Variants in NDFIP2 observed in about 807,000 individuals in gnomAD.
NDFIP2 encodes the protein NEDD4 family-interacting protein 2.
In NDFIP2, 19 loss-of-function variants were observed where a neutral mutation model predicts 36.0. That is an observed-to-expected ratio of 0.53 (90% confidence interval 0.37 to 0.77). The LOEUF (loss-of-function observed/expected upper bound fraction) is 0.77. Ranked by LOEUF, NDFIP2 falls within the 30% of genes least tolerant of loss-of-function variation. The probability of loss-of-function intolerance (pLI) is 0.00; values close to 1 mark genes in which losing one functional copy is unlikely to be tolerated. For synonymous variants in NDFIP2, 181 were observed against 167.7 expected, an observed-to-expected ratio of 1.08 and a Z score of -0.61; for missense variants, 446 against 435.8, an observed-to-expected ratio of 1.02 and a Z score of -0.21.
At chr13:79,539,820 G>A in intron 4 of NDFIP2, 45 bp downstream of exon 4, 2 of 1,484,522 alleles carry the variant, frequency 1.3e-6, no homozygotes, top group South Asian at 1.1e-5. Context: ...TTATGAATTG[G>A]CTGTATGTGT....
intron 1 of NDFIP2, among the ~76,000 whole-genome samples, chr13:79,498,929 A>G (rs530012613): frequency 8.5e-5 from 13 of 152,082 alleles, no homozygotes; most frequent in African/African-American, 3.1e-4. Context: ...GCATTACCCT[A>G]ATATCAAAGC....
intron 1 of NDFIP2, among the ~76,000 whole-genome samples, chr13:79,498,405 T>A (rs970661039): frequency 1.3e-5 from 2 of 151,974 alleles, no homozygotes; most frequent in Admixed American, 1.3e-4. Flanking sequence ...TAAAGAAATA[T>A]GAACTTTTCA....
At chr13:79,505,340 A>G (rs1035005778) in intron 1 of NDFIP2, among the ~76,000 whole-genome samples, 1 of 152,178 alleles carries the variant, frequency 6.6e-6, no homozygotes, top group East Asian at 1.9e-4. Flanking sequence ...GTTCTAAAGA[A>G]TAAGTAGTTG....
chr13:79,509,310 A>AGG (rs1268201157), intron 1 of NDFIP2, among the ~76,000 whole-genome samples: 2 of 152,132 alleles, frequency 1.3e-5, no homozygotes, highest in Non-Finnish European at 2.9e-5. Context: ...TGGGGACTTC[A>AGG]GGTCATAGGT....
chr13:79,488,796 CAGAT>C (rs1479868689), intron 1 of NDFIP2, among the ~76,000 whole-genome samples: 1 of 151,978 alleles, frequency 6.6e-6, no homozygotes. Context: ...AGCCTAATGT[CAGAT>C]AGTAATAAAT....
chr13:79,497,478 G>C (rs1873476198), intron 1 of NDFIP2, among the ~76,000 whole-genome samples: 1 of 151,910 alleles, frequency 6.6e-6, no homozygotes. Context: ...ACAAGTTTCA[G>C]CTTCCTGCTA....
At chr13:79,546,919 A>T (rs1875703133) in intron 5 of NDFIP2, among the ~76,000 whole-genome samples, 1 of 152,150 alleles carries the variant, frequency 6.6e-6, no homozygotes, top group South Asian at 2.1e-4. Flanking sequence ...ACCATCCTGT[A>T]TAAGCTGTAT....
At chr13:79,546,794 T>C (rs1875697368) in intron 5 of NDFIP2, among the ~76,000 whole-genome samples, 2 of 152,162 alleles carry the variant, frequency 1.3e-5, no homozygotes, top group Admixed American at 1.3e-4. Context: ...CACGCAGAAA[T>C]TTAAAAAATG....
chr13:79,523,423 T>C (rs2137089426), intron 2 of NDFIP2, among the ~76,000 whole-genome samples: 1 of 152,292 alleles, frequency 6.6e-6, no homozygotes. Context: ...TTTCACCATG[T>C]TGGTCAGGCT....
chr13:79,541,635 G>A (rs1343454165), intron 4 of NDFIP2, among the ~76,000 whole-genome samples: 2 of 151,850 alleles, frequency 1.3e-5, no homozygotes, highest in Non-Finnish European at 2.9e-5. Context: ...CTACCATCTA[G>A]TGGCTGTTTT....
chr13:79,523,754 A>G (rs1475284769), intron 2 of NDFIP2, among the ~76,000 whole-genome samples: 1 of 152,212 alleles, frequency 6.6e-6, no homozygotes, highest in African/African-American at 2.4e-5. Flanking sequence ...TGACATAGGC[A>G]TTGTGATGTA....
At position 79,506,047 on chromosome 13, in the gene NDFIP2, T is replaced by A. The variant is rs189942661; in HGVS notation, c.322-14763T>A. Among the ~76,000 whole-genome samples the A allele has an allele frequency of 3.3e-5, 5 of 152,300 alleles. No individual in the cohort carries two copies. The South Asian group carries it at 1.0e-3, about 32-fold the overall frequency. ...TCATCATGGAGAAATCTAACAAATA[T>A]GAGTTTTCTAACTTGTAGAAACTTA... On this transcript the variant is annotated intron_variant, in intron 1 of 7. Transcript: ENST00000218652.
rs1425890930 is a variant in NDFIP2 at position 79,548,388 on chromosome 13, G to A, written c.901G>A (p.Val301Ile). Residue 301 changes from valine (V) to isoleucine (I), a missense_variant, in exon 6 of 8, where the codon GTA becomes ATA. This residue lies in a region of NDFIP2 where 77 missense variants were observed against 131.0 expected (regional missense o/e 0.59). Transcript: ENST00000218652. ...GQYWLWWIFL[V>I]LGLLLFFRGF... ...GTATTGGCTTTGGTGGATATTTCTT[G>A]TACTTGGTAAGTTTATTCTTAATGC... 4 of 1,583,742 alleles carry A rather than the reference G, an allele frequency of 2.5e-6. No individual in the cohort carries two copies. The highest frequency in any genetic ancestry group is 3.4e-6 in the Non-Finnish European group (4 of 1,159,942).
chr13:79,511,030 T>G (rs1016365528), intron 1 of NDFIP2, among the ~76,000 whole-genome samples: 1 of 151,150 alleles, frequency 6.6e-6, no homozygotes, highest in African/African-American at 2.4e-5. Flanking sequence ...GGCCTTGTTA[T>G]ATAGATGAAA....
At position 79,543,545 on chromosome 13, in the gene NDFIP2, C is replaced by T. The variant is rs762450433; in HGVS notation, c.716-13C>T. 2 of 1,613,004 alleles carry T rather than the reference C, an allele frequency of 1.2e-6. No homozygotes were observed. The highest frequency in any genetic ancestry group is 1.7e-6 in the Non-Finnish European group (2 of 1,179,498). On this transcript the variant is annotated splice_polypyrimidine_tract_variant and intron_variant, in intron 4 of 7. Coordinates refer to ENST00000218652, the MANE Select transcript of NDFIP2 (RefSeq NM_019080.3). ...ATTGTGGTTTATAAAAGAACGGTTTCTGTTGCTTTTAGTGGCATTTATTTT... is the reference window on the plus strand; with the variant it reads ...ATTGTGGTTTATAAAAGAACGGTTTTTGTTGCTTTTAGTGGCATTTATTTT...
At chr13:79,485,828 G>A (rs186195003) in intron 1 of NDFIP2, among the ~76,000 whole-genome samples, 2 of 151,986 alleles carry the variant, frequency 1.3e-5, no homozygotes, top group African/African-American at 4.8e-5. Flanking sequence ...AACTCTTTTT[G>A]TACTTAATCC....
At chr13:79,489,276 A>T (rs1382658294) in intron 1 of NDFIP2, among the ~76,000 whole-genome samples, 1 of 152,168 alleles carries the variant, frequency 6.6e-6, no homozygotes, top group East Asian at 1.9e-4. Flanking sequence ...ATTTTCTGGA[A>T]GCTCAGCTGG....
At chr13:79,532,084 C>CA (rs1464950383) in intron 2 of NDFIP2, among the ~76,000 whole-genome samples, 2 of 152,158 alleles carry the variant, frequency 1.3e-5, no homozygotes, top group African/African-American at 4.8e-5. Flanking sequence ...TGCCCCAAAA[C>CA]AATTACAATA....
At position 79,554,518 on chromosome 13, in the gene NDFIP2, A is replaced by C. The variant is rs1233677254; in HGVS notation, c.*2005A>C. The C allele has an allele frequency of 6.6e-6, 1 of 151,748 alleles. No individual in the cohort carries two copies. The highest frequency in any genetic ancestry group is 1.9e-4 in the East Asian group (1 of 5,184). The allele number at this position is 151,748 out of a possible 1,614,324, so 9.4% of individuals were successfully genotyped here. On this transcript the variant is annotated 3_prime_UTR_variant, in exon 8 of 8. Coordinates refer to ENST00000218652, the MANE Select transcript of NDFIP2 (RefSeq NM_019080.3). ...ACTTTTGATCCAGCATCAAAACTTC[A>C]CTTTTTGTTTTGACTTTTCCCCCCA...
Sources: allele counts gnomAD v4.1 joint callset (sites outside exome capture counted in the v4.1 genomes callset), GRCh38; gene constraint gnomAD v4.1.1; regional missense constraint gnomAD v4.1.1; transcripts MANE v1.5; gene names NCBI Gene and HGNC (gene_info 2026-07-23, HGNC 2026-07-21).